The following KCNH7 variants were observed in gnomAD, a reference collection of about 807,000 sequenced individuals.
KCNH7 encodes potassium voltage-gated channel subfamily H member 7.
KCNH7 carries 49 observed loss-of-function variants against 120.8 expected under a neutral mutation model. The ratio of observed to expected loss-of-function variants is 0.41; its 90% CI spans 0.32 to 0.51. The LOEUF is 0.51. KCNH7 is among the 20% of genes least tolerant of loss of function. KCNH7 has a pLI of 0.38. For synonymous variants in KCNH7, 547 were observed against 516.1 expected, an observed-to-expected ratio of 1.06 and a Z score of -0.81; for missense variants, 1,097 against 1,446.6, an observed-to-expected ratio of 0.76 and a Z score of 3.92.
At chr2:162,790,475 C>T (rs1683890799) in intron 2 of KCNH7, among the ~76,000 whole-genome samples, 2 of 151,960 alleles carry the variant, frequency 1.3e-5, no homozygotes, top group Admixed American at 6.6e-5. Context: ...CACTTACAAA[C>T]TCATTTTACA....
chr2:162,502,453 C>G (rs1479164692), intron 6 of KCNH7, among the ~76,000 whole-genome samples: 1 of 152,010 alleles, frequency 6.6e-6, no homozygotes, highest in Non-Finnish European at 1.5e-5. Flanking sequence ...GTTTCCCAGT[C>G]CTGAAATTTG....
chr2:162,596,753 T>C (rs376979781), intron 2 of KCNH7, among the ~76,000 whole-genome samples: 13 of 152,014 alleles, frequency 8.6e-5, no homozygotes, highest in African/African-American at 2.6e-4. Flanking sequence ...AAACAATCAA[T>C]AGAGTGAAGA....
chr2:162,721,162 A>G (rs1224070352), intron 2 of KCNH7, among the ~76,000 whole-genome samples: 3 of 152,186 alleles, frequency 2.0e-5, no homozygotes, highest in Admixed American at 6.6e-5. Context: ...TAACCTCAAG[A>G]GCATAGATGA....
At chr2:162,555,985 TAATA>T (rs1317430478) in intron 2 of KCNH7, among the ~76,000 whole-genome samples, 1 of 152,078 alleles carries the variant, frequency 6.6e-6, no homozygotes, top group African/African-American at 2.4e-5. Context: ...CAAATATTAT[TAATA>T]AATTAGAACA....
At chr2:162,502,448 C>G (rs1318831915) in intron 6 of KCNH7, among the ~76,000 whole-genome samples, 3 of 151,942 alleles carry the variant, frequency 2.0e-5, no homozygotes, top group Admixed American at 2.0e-4. Flanking sequence ...GTAAGGTTTC[C>G]CAGTCCTGAA....
At chr2:162,554,798 CCTTAA>C (rs929508406) in intron 2 of KCNH7, among the ~76,000 whole-genome samples, 15 of 152,268 alleles carry the variant, frequency 9.9e-5, no homozygotes, top group Non-Finnish European at 1.9e-4. Context: ...ATCTCAGGAT[CCTTAA>C]CTTAACTGGA....
chr2:162,479,082 G>C (rs1394273965), intron 6 of KCNH7, among the ~76,000 whole-genome samples: 1 of 151,440 alleles, frequency 6.6e-6, no homozygotes, highest in African/African-American at 2.4e-5. Flanking sequence ...TTAGGTCAGT[G>C]GGAATGACTC....
intron 2 of KCNH7, among the ~76,000 whole-genome samples, chr2:162,760,247 C>T (rs1688922526): frequency 6.6e-6 from 1 of 152,046 alleles, no homozygotes. Flanking sequence ...TAAAAAAAGT[C>T]TCAAGTAGAA....
At chr2:162,549,695 A>C (rs1212494443) in intron 2 of KCNH7, among the ~76,000 whole-genome samples, 1 of 152,224 alleles carries the variant, frequency 6.6e-6, no homozygotes, top group Non-Finnish European at 1.5e-5. Context: ...CTGACCTATC[A>C]TGTATTACAT....
intron 2 of KCNH7, among the ~76,000 whole-genome samples, chr2:162,784,086 TA>T (rs1683607977): frequency 6.6e-6 from 1 of 152,178 alleles, no homozygotes; most frequent in African/African-American, 2.4e-5. Context: ...TGAATTTATA[TA>T]TTTTTTATAA....
intron 3 of KCNH7, among the ~76,000 whole-genome samples, chr2:162,531,524 G>C (rs1691925332): frequency 1.3e-5 from 2 of 152,064 alleles, no homozygotes; most frequent in South Asian, 4.1e-4. Context: ...GACATTAGAA[G>C]TGTACTCTCA....
At chr2:162,467,249 A>G (rs944315302) in intron 6 of KCNH7, among the ~76,000 whole-genome samples, 1 of 152,208 alleles carries the variant, frequency 6.6e-6, no homozygotes, top group Non-Finnish European at 1.5e-5. Context: ...CAATGTGTCA[A>G]CTTAGTTCTC....
At chr2:162,470,322 CT>C (rs1689467900) in intron 6 of KCNH7, among the ~76,000 whole-genome samples, 1 of 151,688 alleles carries the variant, frequency 6.6e-6, no homozygotes. Context: ...CCCTAGTGCC[CT>C]GTCTGGGATG....
At chr2:162,639,576 A>T (rs1370030827) in intron 2 of KCNH7, among the ~76,000 whole-genome samples, 3 of 152,136 alleles carry the variant, frequency 2.0e-5, no homozygotes, top group African/African-American at 4.8e-5. Flanking sequence ...AAAAAGCATT[A>T]AAATAGCTGA....
intron 2 of KCNH7, chr2:162,795,783 C>A (rs1364838871): frequency 1.3e-5 from 2 of 151,990 alleles, no homozygotes; most frequent in Non-Finnish European, 2.9e-5. Context: ...TTGTGAACAC[C>A]TTGCTCTGAC....
chr2:162,602,214 G>A (rs1030147325), intron 2 of KCNH7, among the ~76,000 whole-genome samples: 85 of 152,164 alleles, frequency 5.6e-4, no homozygotes, highest in African/African-American at 2.0e-3. Context: ...ATTTGCAATA[G>A]GTGTCTCCCG....
chr2:162,435,529 C>T lies in KCNH7; in HGVS notation c.1623G>A (p.Leu541=). 1.2e-6 allele frequency: 2 copies of T among 1,613,510 alleles called. No homozygotes were observed. The highest frequency in any genetic ancestry group is 2.2e-5 in the South Asian group (2 of 91,050). ...CAGCGCCATATTCTGAATATCGATC[C>T]AGTTTCCTGGCCACGCGCACAAGAC... is the stretch of plus-strand genomic sequence containing the variant. ...LLRLVRVARK[L]DRYSEYGAAV... Residue 541 remains leucine (L), a synonymous_variant, in exon 8 of 16, where the codon CTG becomes CTA. Coordinates refer to ENST00000332142, the MANE Select transcript of KCNH7 (RefSeq NM_033272.4).
chr2:162,412,912 T>C (rs1330314876), intron 9 of KCNH7, among the ~76,000 whole-genome samples: 1 of 152,156 alleles, frequency 6.6e-6, no homozygotes, highest in Non-Finnish European at 1.5e-5. Context: ...TGGCTATGAT[T>C]TCTCACTCTT....
At chr2:162,728,560 C>T (rs1003427884) in intron 2 of KCNH7, among the ~76,000 whole-genome samples, 3 of 152,156 alleles carry the variant, frequency 2.0e-5, no homozygotes, top group Non-Finnish European at 4.4e-5. Context: ...AGGCGGATCA[C>T]CTGAGGTCAG....
Sources: gnomAD v4.1 joint callset for allele counts (sites outside exome capture counted in the v4.1 genomes callset) on GRCh38, gnomAD v4.1.1 for gene constraint, MANE v1.5 for transcripts, NCBI Gene and HGNC (gene_info 2026-07-23, HGNC 2026-07-21) for gene names.